ARHGAP25: variants seen among roughly 807,000 people sequenced by gnomAD.
ARHGAP25 encodes the protein Rho GTPase activating protein 25.
Under a neutral mutation model 71.0 loss-of-function variants are expected in ARHGAP25, and 34 were observed. The ratio of observed to expected loss-of-function variants is 0.48; its 90% CI spans 0.36 to 0.64. ARHGAP25 has a LOEUF of 0.64. Among genes scored for constraint, ARHGAP25 ranks in the 30% least tolerant of loss-of-function variants. The pLI is 0.00. For synonymous variants in ARHGAP25, 282 were observed against 296.5 expected (o/e 0.95, Z 0.50); for missense variants, 706 against 805.1 (o/e 0.88, Z 1.49).
At chr2:68,780,934 A>G (rs1678288180) in intron 2 of ARHGAP25, among the ~76,000 whole-genome samples, 3 of 152,218 alleles carry the variant, frequency 2.0e-5, no homozygotes, top group African/African-American at 7.2e-5. Flanking sequence ...TTCAACAGCC[A>G]GCGAGGTGTA....
In ARHGAP25 at chr2:68,826,309, A is replaced by T. The variant is rs749787784; in HGVS notation, c.*115A>T. On this transcript the variant is annotated 3_prime_UTR_variant, in exon 11 of 11. Coordinates refer to ENST00000409202, the MANE Select transcript of ARHGAP25 (RefSeq NM_001007231.3). ...TTCTCTGAGAGGGAAAGGACATTTG[A>T]GGGAAACATCAAATTTCCCCATAAA... 9.1e-6 allele frequency: 9 copies of T among 988,802 alleles called. No individual in the cohort carries two copies. The East Asian group carries it at 2.3e-4, about 25-fold the overall frequency. The allele number at this position is 988,802 out of a possible 1,614,324, so 61.3% of individuals were successfully genotyped here. A position where few individuals can be genotyped will look rare whatever the true frequency, so the allele number is the denominator to read the frequency against.
At chr2:68,747,622 C>T (rs973383710) in intron 1 of ARHGAP25, among the ~76,000 whole-genome samples, 1 of 152,216 alleles carries the variant, frequency 6.6e-6, no homozygotes, top group Non-Finnish European at 1.5e-5. Flanking sequence ...GATGGCCCCA[C>T]ATCTCCACCT....
chr2:68,786,427 T>C (rs1046193171), intron 3 of ARHGAP25, among the ~76,000 whole-genome samples: 1 of 152,224 alleles, frequency 6.6e-6, no homozygotes, highest in Non-Finnish European at 1.5e-5. Context: ...CACTGGATAC[T>C]GACGAACTGG....
chr2:68,774,959 G>C, intron 1 of ARHGAP25: 6 of 1,418,126 alleles, frequency 4.2e-6, no homozygotes, highest in Non-Finnish European at 5.5e-6. Flanking sequence ...GGCCCGCCGC[G>C]GTGCCGGACT....
intron 7 of ARHGAP25, 76 bp downstream of exon 7, chr2:68,816,438 C>T: frequency 8.2e-7 from 1 of 1,220,682 alleles, no homozygotes; most frequent in Non-Finnish European, 1.2e-6. Context: ...GAGGAGGGAC[C>T]ACGTCTGTGA....
At chr2:68,800,918 T>C (rs1266993264) in intron 4 of ARHGAP25, among the ~76,000 whole-genome samples, 9 of 152,028 alleles carry the variant, frequency 5.9e-5, no homozygotes, top group African/African-American at 2.2e-4. Flanking sequence ...ATTATTATAA[T>C]AAATTCATGA....
rs748850906 is a variant in ARHGAP25 at position 68,826,391 on chromosome 2, C to G, written c.*197C>G. 5 of 693,944 alleles carry G rather than the reference C, an allele frequency of 7.2e-6. No individual in the cohort carries two copies. The highest frequency in any genetic ancestry group is 2.7e-5 in the East Asian group (1 of 36,854). The allele number at this position is 693,944 out of a possible 1,614,324, so 43.0% of individuals were successfully genotyped here. On this transcript the variant is annotated 3_prime_UTR_variant, in exon 11 of 11. Coordinates refer to ENST00000409202, the MANE Select transcript of ARHGAP25 (RefSeq NM_001007231.3). ...TGAGCAGAGATGTGTGTGGACATCT[C>G]TGACCATCCATCGCTGTATTCAAAT...
chr2:68,824,606 A>G (rs963763851), intron 10 of ARHGAP25, among the ~76,000 whole-genome samples: 20 of 152,214 alleles, frequency 1.3e-4, no homozygotes, highest in Admixed American at 9.8e-4. Flanking sequence ...GCCAGGCATG[A>G]TGGTGGGTGC....
intron 1 of ARHGAP25, among the ~76,000 whole-genome samples, chr2:68,759,771 A>T (rs61125800): frequency 0.24 from 37,081 of 151,824 alleles, 5,228 homozygotes; most frequent in African/African-American, 0.39. Context: ...ACAACAACAT[A>T]TCTAAAGAAG....
chr2:68,728,430 C>T (rs1170745794), intron 2 of ARHGAP25, among the ~76,000 whole-genome samples: 1 of 152,032 alleles, frequency 6.6e-6, no homozygotes, highest in Non-Finnish European at 1.5e-5. Context: ...TTTGGTGGTT[C>T]CTCAAAAATT....
chr2:68,816,674 G>A (rs928277252), intron 7 of ARHGAP25: 1 of 251,172 alleles, frequency 4.0e-6, no homozygotes, highest in Non-Finnish European at 7.9e-6. Flanking sequence ...GTGATTCTGA[G>A]CCGTAGCTTA....
chr2:68,789,329 T>A (rs1002132200), intron 4 of ARHGAP25, among the ~76,000 whole-genome samples: 1 of 152,150 alleles, frequency 6.6e-6, no homozygotes, highest in Non-Finnish European at 1.5e-5. Flanking sequence ...TGAGCCACCG[T>A]GCCCGGCCTG....
chr2:68,761,268 C>T (rs532510286), intron 1 of ARHGAP25, among the ~76,000 whole-genome samples: 3 of 151,874 alleles, frequency 2.0e-5, no homozygotes, highest in African/African-American at 7.3e-5. Flanking sequence ...AATTTAAGAC[C>T]CCAAACTGTA....
At chr2:68,803,126 A>C (rs1680128977) in intron 4 of ARHGAP25, among the ~76,000 whole-genome samples, 1 of 152,186 alleles carries the variant, frequency 6.6e-6, no homozygotes. Context: ...TACTAGAGTG[A>C]GAAGAAAAGA....
intron 4 of ARHGAP25, among the ~76,000 whole-genome samples, chr2:68,794,943 A>G (rs1207196727): frequency 1.3e-5 from 2 of 151,930 alleles, no homozygotes; most frequent in Admixed American, 6.6e-5. Context: ...TACTGATTCA[A>G]TCTCACTACT....
intron 1 of ARHGAP25, among the ~76,000 whole-genome samples, chr2:68,765,060 G>T (rs1164663613): frequency 6.6e-6 from 1 of 152,054 alleles, no homozygotes; most frequent in Non-Finnish European, 1.5e-5. Flanking sequence ...CCACCCTTGG[G>T]CTCCCTCCGG....
At chr2:68,746,329 C>A (rs1573416930) in intron 1 of ARHGAP25, among the ~76,000 whole-genome samples, 1 of 152,164 alleles carries the variant, frequency 6.6e-6, no homozygotes, top group African/African-American at 2.4e-5. Flanking sequence ...TAGGCCTGGA[C>A]AACAGGGGCC....
intron 1 of ARHGAP25, among the ~76,000 whole-genome samples, chr2:68,739,820 G>A (rs1334325546): frequency 1.3e-5 from 2 of 152,064 alleles, no homozygotes; most frequent in Non-Finnish European, 2.9e-5. Context: ...TACAAAGAGA[G>A]AAAATAATTG....
chr2:68,719,390 A>G (rs1173935574), intron 2 of ARHGAP25, among the ~76,000 whole-genome samples: 3 of 148,878 alleles, frequency 2.0e-5, no homozygotes, highest in Non-Finnish European at 4.5e-5. Context: ...ATTGAATTGT[A>G]GGACACCCAG....
Sources: allele counts gnomAD v4.1 joint callset (sites outside exome capture counted in the v4.1 genomes callset), GRCh38; gene constraint gnomAD v4.1.1; transcripts MANE v1.5; gene names NCBI Gene and HGNC (gene_info 2026-07-23, HGNC 2026-07-21).